Variants in MSRB3 observed in about 807,000 individuals in gnomAD.
MSRB3 encodes the protein methionine-R-sulfoxide reductase B3.
A neutral mutation model predicts 21.0 loss-of-function variants in MSRB3; 13 were observed. The observed-to-expected ratio is 0.62, with a 90% CI of 0.40 to 0.98. The LOEUF (loss-of-function observed/expected upper bound fraction) is 0.98. MSRB3 is among the 50% of genes least tolerant of loss of function. The pLI is 0.00. For missense variants in MSRB3, 199 were observed against 230.3 expected, an observed-to-expected ratio of 0.86 and a Z score of 0.88; for synonymous variants, 87 against 88.6, an observed-to-expected ratio of 0.98 and a Z score of 0.10.
intron 5 of MSRB3, among the ~76,000 whole-genome samples, chr12:65,411,759 AT>A (rs1252173598): frequency 6.7e-6 from 1 of 148,918 alleles, no homozygotes; most frequent in East Asian, 1.9e-4. Flanking sequence ...TATATTTAAT[AT>A]ATACTAAAAT....
At chr12:65,392,213 T>C (rs1879520077) in intron 5 of MSRB3, among the ~76,000 whole-genome samples, 1 of 152,096 alleles carries the variant, frequency 6.6e-6, no homozygotes, top group Admixed American at 6.6e-5. Context: ...TGGCATTGTT[T>C]TAAAAGCTCC....
rs188402323 is a variant in MSRB3 at position 65,404,678 on chromosome 12, A to G, written c.292+35652A>G. 1.3e-3 allele frequency among the ~76,000 whole-genome samples: 199 copies of G among 152,312 alleles called. 1 individual carries two copies. Among genetic ancestry groups the G allele is most frequent in the African/African-American group, 4.5e-3 (185 of 41,560 alleles). On this transcript the variant is annotated intron_variant, in intron 5 of 6. Coordinates refer to ENST00000308259, the MANE Select transcript of MSRB3 (RefSeq NM_001031679.3). ...AAAATTTTTGTTCTATGTGGTGTAT[A>G]GCATGATGTTTTGAAATATGTATAC...
intron 5 of MSRB3, among the ~76,000 whole-genome samples, chr12:65,421,874 A>T (rs529066559): frequency 5.3e-5 from 8 of 152,322 alleles, no homozygotes; most frequent in African/African-American, 1.9e-4. Flanking sequence ...AAATCCACAC[A>T]TGTCAACACT....
intron 5 of MSRB3, among the ~76,000 whole-genome samples, chr12:65,432,869 C>A (rs753827621): frequency 6.6e-6 from 1 of 151,868 alleles, no homozygotes; most frequent in African/African-American, 2.4e-5. Flanking sequence ...TACCTCTAAT[C>A]CTTTTATGAG....
At chr12:65,416,789 A>G (rs964299623) in intron 5 of MSRB3, among the ~76,000 whole-genome samples, 2 of 152,212 alleles carry the variant, frequency 1.3e-5, no homozygotes, top group Non-Finnish European at 2.9e-5. Flanking sequence ...GTTACTTAGC[A>G]TGTAATCCTT....
intron 5 of MSRB3, among the ~76,000 whole-genome samples, chr12:65,374,827 A>G (rs1301767687): frequency 6.6e-6 from 1 of 152,182 alleles, no homozygotes; most frequent in Non-Finnish European, 1.5e-5. Flanking sequence ...CTGAAAAATC[A>G]GGCAACCTTC....
At chr12:65,360,661 C>T (rs1877649790) in intron 4 of MSRB3, among the ~76,000 whole-genome samples, 1 of 151,872 alleles carries the variant, frequency 6.6e-6, no homozygotes, top group Admixed American at 6.6e-5. Flanking sequence ...GGTAATTTAC[C>T]TTTTTAATGG....
chr12:65,392,378 T>A (rs976477559), intron 5 of MSRB3, among the ~76,000 whole-genome samples: 6 of 152,170 alleles, frequency 3.9e-5, no homozygotes, highest in Non-Finnish European at 8.8e-5. Context: ...TAATGGAAAT[T>A]CAATGAATAT....
chr12:65,387,056 A>C (rs1203644321), intron 5 of MSRB3, among the ~76,000 whole-genome samples: 1 of 152,088 alleles, frequency 6.6e-6, no homozygotes, highest in Admixed American at 6.5e-5. Context: ...TTGTAGAGCT[A>C]ATGGGTGACA....
At chr12:65,445,070 A>C (rs1357073780) in intron 5 of MSRB3, among the ~76,000 whole-genome samples, 1 of 152,012 alleles carries the variant, frequency 6.6e-6, no homozygotes, top group Non-Finnish European at 1.5e-5. Context: ...TGATTTTGTT[A>C]TTTTCTCTGT....
At chr12:65,297,814 T>C (rs866314589) in intron 1 of MSRB3, among the ~76,000 whole-genome samples, 1 of 152,068 alleles carries the variant, frequency 6.6e-6, no homozygotes, top group African/African-American at 2.4e-5. Flanking sequence ...GGGAATTAGA[T>C]TGGAGGCAGA....
chr12:65,392,751 CT>C (rs561514178), intron 5 of MSRB3, among the ~76,000 whole-genome samples: 37 of 152,322 alleles, frequency 2.4e-4, no homozygotes, highest in African/African-American at 8.4e-4. Flanking sequence ...TTCAGTACTA[CT>C]TTCTCCAAGA....
chr12:65,422,137 G>T (rs886360872), intron 5 of MSRB3, among the ~76,000 whole-genome samples: 2 of 149,890 alleles, frequency 1.3e-5, no homozygotes, highest in Non-Finnish European at 2.9e-5. Flanking sequence ...ACAAAGAAGG[G>T]CATTACATAA....
At chr12:65,353,003 G>T (rs1592555674) in intron 4 of MSRB3, among the ~76,000 whole-genome samples, 2 of 151,704 alleles carry the variant, frequency 1.3e-5, no homozygotes, top group Non-Finnish European at 2.9e-5. Context: ...AGCCCGCATC[G>T]CCAAGGCAAT....
At chr12:65,303,881 G>A (rs139200453) in intron 1 of MSRB3, among the ~76,000 whole-genome samples, 1 of 152,136 alleles carries the variant, frequency 6.6e-6, no homozygotes. Flanking sequence ...AGACATGGAG[G>A]TGAAAATAGG....
At chr12:65,311,784 T>C (rs1321982413) in intron 2 of MSRB3, among the ~76,000 whole-genome samples, 2 of 152,074 alleles carry the variant, frequency 1.3e-5, no homozygotes, top group East Asian at 3.8e-4. Flanking sequence ...TATGAAATAA[T>C]TCCAGAACTA....
At chr12:65,294,067 TC>T (rs1872810654) in intron 1 of MSRB3, among the ~76,000 whole-genome samples, 1 of 152,178 alleles carries the variant, frequency 6.6e-6, no homozygotes, top group Non-Finnish European at 1.5e-5. Flanking sequence ...ATCCAGGAAT[TC>T]CAGGCAGTGC....
intron 6 of MSRB3, among the ~76,000 whole-genome samples, chr12:65,456,593 C>T (rs1272610486): frequency 6.6e-6 from 1 of 152,244 alleles, no homozygotes; most frequent in African/African-American, 2.4e-5. Flanking sequence ...CCTGTTCTTT[C>T]CTAACAGTTG....
At chr12:65,460,814 G>A (rs938601522) in intron 6 of MSRB3, among the ~76,000 whole-genome samples, 3 of 146,194 alleles carry the variant, frequency 2.1e-5, no homozygotes, top group African/African-American at 7.6e-5. Context: ...CAGAATACTA[G>A]TACCAGATTA....
Sources: allele counts gnomAD v4.1 joint callset (sites outside exome capture counted in the v4.1 genomes callset), GRCh38; gene constraint gnomAD v4.1.1; transcripts MANE v1.5; gene names NCBI Gene and HGNC (gene_info 2026-07-23, HGNC 2026-07-21).